ZMYM2: variants seen among roughly 807,000 people sequenced by gnomAD.
ZMYM2 encodes the protein zinc finger MYM-type protein 2.
In ZMYM2, 56 loss-of-function variants were observed where a neutral mutation model predicts 162.8. That is an observed-to-expected ratio of 0.34 (90% CI 0.28 to 0.43). The LOEUF is 0.43. ZMYM2 is among the 20% of genes least tolerant of loss of function. The pLI is 1.00. For synonymous variants in ZMYM2, 510 were observed against 541.6 expected (o/e 0.94, Z 0.81); for missense variants, 1,275 against 1,621.8 (o/e 0.79, Z 3.67).
chr13:19,918,294 A>C, the ZMYM2 span, among the ~76,000 whole-genome samples: 4 of 151,548 alleles, frequency 2.6e-5, no homozygotes, highest in African/African-American at 9.7e-5. Context: ...AAAATTCAAA[A>C]ATTAGCTGGG....
intron 9 of ZMYM2, among the ~76,000 whole-genome samples, chr13:20,030,441 C>G (rs1443852412): frequency 2.0e-5 from 3 of 151,392 alleles, no homozygotes; most frequent in Admixed American, 6.6e-5. Flanking sequence ...CTCTGTCGCC[C>G]AGGCTGGAGT....
the ZMYM2 span, among the ~76,000 whole-genome samples, chr13:19,884,145 A>G: frequency 1.3e-5 from 2 of 152,178 alleles, no homozygotes; most frequent in Non-Finnish European, 2.9e-5. Flanking sequence ...CTGAGGCAGG[A>G]TTGCTTGAGC....
At position 20,019,522 on chromosome 13, in the gene ZMYM2, A is replaced by G. The variant is rs758359434; in HGVS notation, c.1513-25A>G. On this transcript the variant is annotated intron_variant, in intron 6 of 24. Coordinates refer to ENST00000610343, the MANE Select transcript of ZMYM2 (RefSeq NM_197968.4). Reference sequence around the variant, plus strand: ...GCAGCTATTCTTTATGTGTGTTTATAAAGTCTTTTAAAATCTTTTTTTAGG... The same window carrying G: ...GCAGCTATTCTTTATGTGTGTTTATGAAGTCTTTTAAAATCTTTTTTTAGG... 19 of 1,549,488 alleles carry G rather than the reference A, an allele frequency of 1.2e-5. No individual in the cohort carries two copies. The Admixed American group carries it at 3.6e-4, about 29-fold the overall frequency.
At chr13:19,891,587 G>A in the ZMYM2 span, among the ~76,000 whole-genome samples, 14 of 143,778 alleles carry the variant, frequency 9.7e-5, no homozygotes, top group African/African-American at 3.7e-4. Flanking sequence ...ACCAGCCCGG[G>A]CAACAAAGCA....
At chr13:19,887,813 TTTTC>T in the ZMYM2 span, among the ~76,000 whole-genome samples, 1 of 151,914 alleles carries the variant, frequency 6.6e-6, no homozygotes, top group African/African-American at 2.4e-5. Flanking sequence ...AATGCAATTA[TTTTC>T]TTTATTTCTT....
the ZMYM2 span, among the ~76,000 whole-genome samples, chr13:19,868,550 C>T: frequency 2.0e-5 from 3 of 152,096 alleles, no homozygotes; most frequent in Non-Finnish European, 4.4e-5. Context: ...AATCTAGAAG[C>T]TAGGAGTATT....
At chr13:19,954,868 T>C (rs117916387), upstream of ZMYM2, among the ~76,000 whole-genome samples, 299 of 152,106 alleles carry the variant, frequency 2.0e-3, 1 homozygote, top group Non-Finnish European at 3.4e-3. Context: ...TGGAGTGCAG[T>C]GACACAATCT....
chr13:20,019,484 A>G, intron 6 of ZMYM2, 63 bp from the exon 7 acceptor site: 1 of 1,367,322 alleles, frequency 7.3e-7, no homozygotes, highest in Non-Finnish European at 9.9e-7. Context: ...ATGCTTATTT[A>G]CCTTTCAATG....
At chr13:19,886,662 T>C in the ZMYM2 span, among the ~76,000 whole-genome samples, 2 of 151,586 alleles carry the variant, frequency 1.3e-5, no homozygotes, top group Admixed American at 1.3e-4. Context: ...GTTTTGTTTG[T>C]TTTTGAGACA....
the ZMYM2 span, among the ~76,000 whole-genome samples, chr13:19,924,409 A>C: frequency 4.6e-5 from 7 of 152,078 alleles, no homozygotes; most frequent in Non-Finnish European, 1.0e-4. Context: ...TACAAAAAAA[A>C]ATCTAAAAAT....
At chr13:20,061,753 C>A (rs1471321758) in intron 17 of ZMYM2, among the ~76,000 whole-genome samples, 2 of 151,916 alleles carry the variant, frequency 1.3e-5, no homozygotes, top group Non-Finnish European at 2.9e-5. Context: ...CACGCCCAGC[C>A]AATTTTTGTC....
the ZMYM2 span, among the ~76,000 whole-genome samples, chr13:19,915,345 T>C: frequency 2.0e-5 from 3 of 152,196 alleles, no homozygotes; most frequent in African/African-American, 7.2e-5. Flanking sequence ...TCTTTGCACC[T>C]CAGCCTCCCA....
chr13:20,028,725 A>G (rs755533642), intron 9 of ZMYM2, among the ~76,000 whole-genome samples: 12 of 152,134 alleles, frequency 7.9e-5, no homozygotes, highest in African/African-American at 2.7e-4. Flanking sequence ...TGTAAATGCT[A>G]TGTAAAGAGT....
At chr13:19,873,624 G>A in the ZMYM2 span, among the ~76,000 whole-genome samples, 1 of 151,986 alleles carries the variant, frequency 6.6e-6, no homozygotes, top group African/African-American at 2.4e-5. Context: ...GGTCAGGCTA[G>A]TCTCGAACTC....
chr13:19,992,711 A>G (rs1197934724), intron 2 of ZMYM2, among the ~76,000 whole-genome samples: 1 of 149,328 alleles, frequency 6.7e-6, no homozygotes, highest in Non-Finnish European at 1.5e-5. Context: ...GTGTGGGAGG[A>G]TTTATCCATA....
rs192198080 is a variant in ZMYM2 at position 20,027,185 on chromosome 13, G to T, written c.1736-18G>T. 2.3e-5 allele frequency: 35 copies of T among 1,532,084 alleles called. No homozygotes were observed. The Middle Eastern group carries it at 7.0e-4, about 30-fold the overall frequency. The allele number at this position is 1,532,084 out of a possible 1,614,324, so 94.9% of individuals were successfully genotyped here. A position where few individuals can be genotyped will look rare whatever the true frequency, so the allele number is the denominator to read the frequency against. On this transcript the variant is annotated intron_variant, in intron 8 of 24. Transcript: ENST00000610343. ...ATTACTTTATAAACAAATCAGATAT[G>T]TACCTTTTCTTTCCTAGGTTTGGGA...
chr13:19,963,505 A>G lies in ZMYM2; in HGVS notation c.-11+3479A>G, dbSNP rs1955465656. 2.0e-5 allele frequency among the ~76,000 whole-genome samples: 3 copies of G among 152,186 alleles called. No homozygotes were observed. In the South Asian group the frequency reaches 6.2e-4, roughly 31 times the overall value. On this transcript the variant is annotated intron_variant, in intron 2 of 24. Coordinates refer to ENST00000610343, the MANE Select transcript of ZMYM2 (RefSeq NM_197968.4). Reference sequence around the variant, plus strand: ...TCATATTTTATTTTGGTTGTATACCAGCAAGAATTTTTTTTTTTATGTAGT... The same window carrying G: ...TCATATTTTATTTTGGTTGTATACCGGCAAGAATTTTTTTTTTTATGTAGT...
chr13:20,074,237 T>TGTGA lies in ZMYM2; in HGVS notation c.3453+6848_3453+6849insTGAG, dbSNP rs1491090474. On this transcript the variant is annotated intron_variant, in intron 21 of 24. Transcript: ENST00000610343. The stretch of plus-strand genomic sequence containing the variant: ...GTGTGTGTGTGTGTGTGTGTGTGTG[T>TGTGA]GAGAGAGACAGAGAGACAGGGTCTC... Among the ~76,000 whole-genome samples the TGTGA allele has an allele frequency of 6.3e-3, 799 of 127,526 alleles. 6 individuals are homozygous for TGTGA. The highest frequency in any genetic ancestry group is 0.018 in the African/African-American group (664 of 37,666). The allele number at this position is 127,526 out of a possible 152,430, so 83.7% of individuals were successfully genotyped here. A position where few individuals can be genotyped will look rare whatever the true frequency, so the allele number is the denominator to read the frequency against.
At chr13:20,034,186 T>C (rs1745740479) in intron 10 of ZMYM2, 68 bp from the exon 11 acceptor site, 15 of 1,314,894 alleles carry the variant, frequency 1.1e-5, no homozygotes, top group Non-Finnish European at 1.5e-5. Context: ...TTTGCTTCTG[T>C]AAAAGTGGCG....
Sources: allele counts gnomAD v4.1 joint callset (sites outside exome capture counted in the v4.1 genomes callset), GRCh38; gene constraint gnomAD v4.1.1; transcripts MANE v1.5; gene names NCBI Gene and HGNC (gene_info 2026-07-23, HGNC 2026-07-21).